Variants in SPOPL observed in about 807,000 individuals in gnomAD.
SPOPL encodes speckle type BTB/POZ protein like.
A neutral mutation model predicts 53.8 loss-of-function variants in SPOPL; 23 were observed. That is an observed-to-expected ratio of 0.43 (90% CI 0.31 to 0.61). The LOEUF is 0.61. Ranked by LOEUF, SPOPL falls within the 20% of genes least tolerant of loss-of-function variation. SPOPL has a pLI of 0.12. For synonymous variants in SPOPL, 164 were observed against 149.7 expected, an observed-to-expected ratio of 1.10 and a Z score of -0.70; for missense variants, 442 against 466.9, an observed-to-expected ratio of 0.95 and a Z score of 0.49.
intron 1 of SPOPL, among the ~76,000 whole-genome samples, chr2:138,544,602 G>T (rs1685151128): frequency 6.6e-6 from 1 of 152,158 alleles, no homozygotes; most frequent in Admixed American, 6.5e-5. Context: ...ATTAGGGTGG[G>T]AGTGACCCGA....
chr2:138,572,932 G>GT lies in SPOPL; in HGVS notation c.*3855dup, dbSNP rs1256286967. On this transcript the variant is annotated 3_prime_UTR_variant, in exon 11 of 11. Transcript: ENST00000280098. ...ATATTTAAATTTTTTTGTTGTCAGA[G>GT]TTTATCATTGTATACTGTAACCCAG... The GT allele has an allele frequency of 6.6e-6, 1 of 152,322 alleles. No homozygotes were observed. Among genetic ancestry groups the GT allele is most frequent in the African/African-American group, 2.4e-5 (1 of 41,376 alleles). The allele number at this position is 152,322 out of a possible 1,614,324, so 9.4% of individuals were successfully genotyped here. A position where few individuals can be genotyped will look rare whatever the true frequency, so the allele number is the denominator to read the frequency against.
intron 1 of SPOPL, among the ~76,000 whole-genome samples, chr2:138,513,341 G>A (rs576404857): frequency 5.9e-5 from 9 of 152,234 alleles, no homozygotes; most frequent in East Asian, 1.9e-4. Context: ...ATCACCTGAC[G>A]TAAGGAATTT....
chr2:138,540,405 A>G (rs1685043899), intron 1 of SPOPL, among the ~76,000 whole-genome samples: 1 of 152,010 alleles, frequency 6.6e-6, no homozygotes, highest in African/African-American at 2.4e-5. Flanking sequence ...ATTTGTTTGT[A>G]TCCTCTTTTA....
At chr2:138,556,389 C>A (rs1258058625) in intron 5 of SPOPL, among the ~76,000 whole-genome samples, 1 of 152,124 alleles carries the variant, frequency 6.6e-6, no homozygotes, top group African/African-American at 2.4e-5. Flanking sequence ...TTCAAGAAAT[C>A]ATTTCTGAAA....
intron 1 of SPOPL, among the ~76,000 whole-genome samples, chr2:138,546,629 C>T (rs1453491363): frequency 6.6e-6 from 1 of 152,072 alleles, no homozygotes; most frequent in African/African-American, 2.4e-5. Context: ...ATAGGTAAGG[C>T]CTGTTTAAGT....
intron 7 of SPOPL, among the ~76,000 whole-genome samples, chr2:138,560,457 T>C (rs1166249427): frequency 6.6e-6 from 1 of 151,980 alleles, no homozygotes; most frequent in Non-Finnish European, 1.5e-5. Flanking sequence ...CTTGTTTTTT[T>C]TTTTTAACTT....
chr2:138,515,685 G>A (rs986918169), intron 1 of SPOPL, among the ~76,000 whole-genome samples: 2 of 152,146 alleles, frequency 1.3e-5, no homozygotes, highest in Non-Finnish European at 2.9e-5. Context: ...AGAATCATAT[G>A]TAGAGAAGTG....
intron 1 of SPOPL, among the ~76,000 whole-genome samples, chr2:138,545,087 C>A (rs1422141118): frequency 6.6e-6 from 1 of 152,040 alleles, no homozygotes. Context: ...TTGATAAATG[C>A]CATATCCCAG....
intron 1 of SPOPL, among the ~76,000 whole-genome samples, chr2:138,543,767 G>A (rs564667595): frequency 6.6e-6 from 1 of 152,130 alleles, no homozygotes; most frequent in Non-Finnish European, 1.5e-5. Flanking sequence ...GCTTTGTTCT[G>A]TTGCTAGTGA....
chr2:138,509,470 A>G (rs1308800403), intron 1 of SPOPL, among the ~76,000 whole-genome samples: 2 of 152,230 alleles, frequency 1.3e-5, no homozygotes, highest in Non-Finnish European at 2.9e-5. Flanking sequence ...ATATTTATTG[A>G]CAAAGAAAAT....
intron 8 of SPOPL, among the ~76,000 whole-genome samples, chr2:138,562,425 G>T (rs1472962601): frequency 6.6e-6 from 1 of 152,126 alleles, no homozygotes; most frequent in Non-Finnish European, 1.5e-5. Context: ...GTAGAAAAAG[G>T]ATAATCTTTA....
intron 7 of SPOPL, 95 bp downstream of exon 7, chr2:138,559,432 T>TA: frequency 7.5e-7 from 1 of 1,330,218 alleles, no homozygotes. Context: ...CTCATTGTCA[T>TA]ACTGTGATAA....
chr2:138,557,279 A>G (rs1685447297), intron 5 of SPOPL, among the ~76,000 whole-genome samples: 3 of 152,212 alleles, frequency 2.0e-5, no homozygotes, highest in Admixed American at 2.0e-4. Flanking sequence ...TCTTTGTAAA[A>G]TAAGGTGAAT....
At chr2:138,559,406 G>C in intron 7 of SPOPL, 69 bp downstream of exon 7, 2 of 1,451,060 alleles carry the variant, frequency 1.4e-6, no homozygotes, top group South Asian at 2.7e-5. Context: ...TGTTTTAAAA[G>C]TAATAGTACA....
intron 1 of SPOPL, among the ~76,000 whole-genome samples, chr2:138,510,872 A>G (rs1295032863): frequency 2.0e-5 from 3 of 152,240 alleles, no homozygotes; most frequent in Admixed American, 6.5e-5. Flanking sequence ...AGCAAGTACA[A>G]ATACAGGAAG....
intron 1 of SPOPL, among the ~76,000 whole-genome samples, chr2:138,504,380 T>C (rs940203349): frequency 6.6e-6 from 1 of 152,206 alleles, no homozygotes; most frequent in Non-Finnish European, 1.5e-5. Context: ...TTCTTGGCTT[T>C]CCTAATGTCT....
intron 10 of SPOPL, among the ~76,000 whole-genome samples, chr2:138,566,784 AATAGAG>A (rs1023425610): frequency 3.3e-5 from 5 of 152,242 alleles, no homozygotes; most frequent in African/African-American, 1.2e-4. Flanking sequence ...AAAGTTATCT[AATAGAG>A]ATAGATATAT....
rs1685806275 is a variant in SPOPL at position 138,572,381 on chromosome 2, T to C, written c.*3301T>C. On this transcript the variant is annotated 3_prime_UTR_variant, in exon 11 of 11. Transcript: ENST00000280098. The stretch of plus-strand genomic sequence containing the variant: ...AGAGCTTAGATGGCCAAAATTAGAA[T>C]TAATAATATACCCATTTAAATTTTG... 1 of 152,442 alleles carries C rather than the reference T, an allele frequency of 6.6e-6. No homozygotes were observed. Among genetic ancestry groups the C allele is most frequent in the Non-Finnish European group, 1.5e-5 (1 of 68,010 alleles). 9.4% of individuals were successfully genotyped at this position (152,442 alleles called of 1,614,324 possible). A position where few individuals can be genotyped will look rare whatever the true frequency, so the allele number is the denominator to read the frequency against.
At chr2:138,540,338 G>T (rs1471237030) in intron 1 of SPOPL, among the ~76,000 whole-genome samples, 1 of 152,186 alleles carries the variant, frequency 6.6e-6, no homozygotes, top group South Asian at 2.1e-4. Context: ...ACCTTTGGCA[G>T]TATGGCCATT....
Sources: gnomAD v4.1 joint callset for allele counts (sites outside exome capture counted in the v4.1 genomes callset) on GRCh38, gnomAD v4.1.1 for gene constraint, MANE v1.5 for transcripts, NCBI Gene and HGNC (gene_info 2026-07-23, HGNC 2026-07-21) for gene names.